The following SNTB2 variants were observed in gnomAD, a reference collection of about 807,000 sequenced individuals.
SNTB2 encodes syntrophin beta 2.
A neutral mutation model predicts 46.2 loss-of-function variants in SNTB2; 34 were observed. The ratio of observed to expected loss-of-function variants is 0.74; its 90% CI spans 0.56 to 0.98. The LOEUF (loss-of-function observed/expected upper bound fraction) is 0.98. Ranked by LOEUF, SNTB2 falls within the 50% of genes least tolerant of loss-of-function variation. The pLI, the probability that SNTB2 is intolerant of heterozygous loss-of-function variation, is 0.00. For synonymous variants in SNTB2, 290 were observed against 312.6 expected, an observed-to-expected ratio of 0.93 and a Z score of 0.76; for missense variants, 603 against 731.4, an observed-to-expected ratio of 0.82 and a Z score of 2.02.
intron 2 of SNTB2, among the ~76,000 whole-genome samples, chr16:69,258,965 G>A (rs1964806290): frequency 6.6e-6 from 1 of 151,984 alleles, no homozygotes; most frequent in Admixed American, 6.6e-5. Flanking sequence ...TTATATGGCA[G>A]TACATCTTTT....
intron 1 of SNTB2, chr16:69,235,936 A>G: frequency 9.5e-7 from 1 of 1,051,636 alleles, no homozygotes; most frequent in Non-Finnish European, 1.2e-6. Context: ...TCTGTGCTAC[A>G]TCTTAGTAAG....
At chr16:69,248,221 G>A (rs372085792) in intron 2 of SNTB2, among the ~76,000 whole-genome samples, 12 of 152,292 alleles carry the variant, frequency 7.9e-5, no homozygotes, top group African/African-American at 2.9e-4. Flanking sequence ...TCAAGACATT[G>A]TAGAAATTAC....
At position 69,199,174 on chromosome 16, in the gene SNTB2, C is replaced by T. The variant is rs560761434; in HGVS notation, c.580+11428C>T. Among the ~76,000 whole-genome samples, 3 of 152,094 alleles carry T rather than the reference C, an allele frequency of 2.0e-5. No individual in the cohort carries two copies. In the South Asian group the frequency reaches 6.2e-4, roughly 32 times the overall value. On this transcript the variant is annotated intron_variant, in intron 1 of 6. Transcript: ENST00000336278. Reference sequence around the variant, plus strand: ...CCTGCCAAAGTGCTGGGATTACAGGCGTGAGCCACCACGCCTGGCCTATAA... The same window carrying T: ...CCTGCCAAAGTGCTGGGATTACAGGTGTGAGCCACCACGCCTGGCCTATAA...
rs536615773 is a variant in SNTB2 at position 69,245,638 on chromosome 16, A to G, written c.617A>G (p.Lys206Arg). 4.3e-5 allele frequency: 69 copies of G among 1,614,102 alleles called. No individual in the cohort carries two copies. The highest frequency in any genetic ancestry group is 1.1e-4 in the East Asian group (5 of 44,886). The change falls in exon 2 of 7, where the codon AAG becomes AGG. Residue 206 changes from lysine to arginine, a missense_variant. By Grantham distance (26) the Lys-to-Arg change is conservative. Around this residue, in one of 2 missense-constraint regions of SNTB2, gnomAD observed 537 missense variants for 692.4 expected, o/e 0.78. Coordinates refer to ENST00000336278, the MANE Select transcript of SNTB2 (RefSeq NM_006750.4). ...FIREVTPYIK[K>R]PSLVSDLPWE... ...CGAGAAGTAACACCATATATCAAGA[A>G]GCCATCATTAGTATCAGATCTGCCG...
chr16:69,263,420 C>CTTT (rs533404729), intron 3 of SNTB2, among the ~76,000 whole-genome samples: 1 of 130,242 alleles, frequency 7.7e-6, no homozygotes, highest in Non-Finnish European at 1.7e-5. Flanking sequence ...TGGGTATGTT[C>CTTT]TTTTTTTTTT....
At chr16:69,206,281 T>C (rs1964217915) in intron 1 of SNTB2, among the ~76,000 whole-genome samples, 1 of 152,192 alleles carries the variant, frequency 6.6e-6, no homozygotes, top group Non-Finnish European at 1.5e-5. Flanking sequence ...ATTACAGGCA[T>C]GAGTCACTGT....
chr16:69,305,647 C>G lies in SNTB2; in HGVS notation c.*4723C>G, dbSNP rs1327680426. ...ACTTTAAGTTGAATTTGACTGTAGT[C>G]ATTCATTCTTTTTATATATCTCTGT... On this transcript the variant is annotated 3_prime_UTR_variant, in exon 7 of 7. Transcript: ENST00000336278. 6.6e-6 allele frequency: 1 copy of G among 152,106 alleles called. No homozygotes were observed. Among genetic ancestry groups the G allele is most frequent in the Non-Finnish European group, 1.5e-5 (1 of 68,028 alleles). 9.4% of individuals were successfully genotyped at this position (152,106 alleles called of 1,614,324 possible). A position where few individuals can be genotyped will look rare whatever the true frequency, so the allele number is the denominator to read the frequency against.
chr16:69,209,855 G>GT (rs1275352807), intron 1 of SNTB2, among the ~76,000 whole-genome samples: 1 of 151,932 alleles, frequency 6.6e-6, no homozygotes, highest in Non-Finnish European at 1.5e-5. Flanking sequence ...ACCTCAAGAT[G>GT]TTTAAACTAT....
intron 4 of SNTB2, among the ~76,000 whole-genome samples, chr16:69,271,534 A>G (rs1355360957): frequency 2.0e-5 from 3 of 152,234 alleles, no homozygotes; most frequent in Non-Finnish European, 4.4e-5. Flanking sequence ...TAGTTGAATT[A>G]AATTATTTAC....
intron 2 of SNTB2, among the ~76,000 whole-genome samples, chr16:69,255,381 G>A (rs1964763279): frequency 6.6e-6 from 1 of 152,020 alleles, no homozygotes; most frequent in Non-Finnish European, 1.5e-5. Context: ...CTAACATGGT[G>A]AAACCCCGTA....
chr16:69,284,300 C>T, intron 5 of SNTB2, 56 bp downstream of exon 5: 2 of 1,414,694 alleles, frequency 1.4e-6, no homozygotes, highest in Non-Finnish European at 9.6e-7. Flanking sequence ...GTTATATAGT[C>T]ATGTGCTGCA....
chr16:69,202,796 G>A (rs958904307), intron 1 of SNTB2, among the ~76,000 whole-genome samples: 1 of 151,876 alleles, frequency 6.6e-6, no homozygotes, highest in Non-Finnish European at 1.5e-5. Flanking sequence ...GGCTGGTCTC[G>A]ACCTCCTGGC....
intron 5 of SNTB2, among the ~76,000 whole-genome samples, chr16:69,297,921 A>T (rs1329834664): frequency 6.6e-6 from 1 of 152,012 alleles, no homozygotes; most frequent in Non-Finnish European, 1.5e-5. Flanking sequence ...CTCAAAACAA[A>T]CAAAAAAAAG....
intron 2 of SNTB2, 32 bp downstream of exon 2, chr16:69,245,847 A>G: frequency 6.3e-7 from 1 of 1,595,188 alleles, no homozygotes; most frequent in South Asian, 1.1e-5. Flanking sequence ...CATCATACCT[A>G]CAGCTTTACA....
chr16:69,299,477 A>G, intron 5 of SNTB2, 113 bp from the exon 6 acceptor site: 4 of 1,019,608 alleles, frequency 3.9e-6, no homozygotes, highest in Non-Finnish European at 5.8e-6. Flanking sequence ...CAGGTTAGGT[A>G]TCACACATTC....
At chr16:69,259,554 T>C (rs907888077) in intron 2 of SNTB2, among the ~76,000 whole-genome samples, 7 of 143,708 alleles carry the variant, frequency 4.9e-5, no homozygotes, top group African/African-American at 1.8e-4. Context: ...TATCTTTCCA[T>C]GTGTTGTTTT....
chr16:69,225,650 CAT>C (rs1325832369), intron 1 of SNTB2, among the ~76,000 whole-genome samples: 3 of 152,176 alleles, frequency 2.0e-5, no homozygotes, highest in Non-Finnish European at 4.4e-5. Context: ...TTAGGGGACA[CAT>C]GTCTTCCTTT....
intron 3 of SNTB2, among the ~76,000 whole-genome samples, chr16:69,260,599 G>A (rs981371155): frequency 6.6e-6 from 1 of 152,170 alleles, no homozygotes; most frequent in African/African-American, 2.4e-5. Context: ...GGGCAAGATA[G>A]CGTCACGGCT....
At chr16:69,272,404 G>A (rs886152264) in intron 4 of SNTB2, among the ~76,000 whole-genome samples, 2 of 151,674 alleles carry the variant, frequency 1.3e-5, no homozygotes, top group Admixed American at 6.6e-5. Context: ...AGCCAGTGTG[G>A]TGTTGCACAC....
Sources: gnomAD v4.1 joint callset for allele counts (sites outside exome capture counted in the v4.1 genomes callset) on GRCh38, gnomAD v4.1.1 for gene constraint, gnomAD v4.1.1 regional missense constraint, MANE v1.5 for transcripts, NCBI Gene and HGNC (gene_info 2026-07-23, HGNC 2026-07-21) for gene names.